Variants in SYNE2 observed in about 807,000 individuals in gnomAD.
SYNE2 encodes spectrin repeat containing nuclear envelope protein 2.
Under a neutral mutation model 856.3 loss-of-function variants are expected in SYNE2, and 431 were observed. The observed-to-expected ratio is 0.50, with a 90% CI of 0.47 to 0.55. SYNE2 has a LOEUF of 0.55. Ranked by LOEUF, SYNE2 falls within the 20% of genes least tolerant of loss-of-function variation. The pLI is 0.00. For synonymous variants in SYNE2, 2,923 were observed against 2,872.3 expected (o/e 1.02, Z -0.56); for missense variants, 8,129 against 8,023.2 (o/e 1.01, Z -0.50).
intron 2 of SYNE2, among the ~76,000 whole-genome samples, chr14:63,927,769 G>A (rs2095688966): frequency 6.6e-6 from 1 of 152,006 alleles, no homozygotes; most frequent in African/African-American, 2.4e-5. Flanking sequence ...TCGCGCGCCT[G>A]CAGTCCCAGC....
rs191617926 is a variant in SYNE2 at position 64,157,002 on chromosome 14, C to A, written c.15793-1623C>A. ...CTGAGTGCAGAGCTGTGTGATTGTA[C>A]CCAAAACTCACATCACACTACCCAT... On this transcript the variant is annotated intron_variant, in intron 85 of 115. Transcript: ENST00000555002. Among the ~76,000 whole-genome samples, 124 of 152,268 alleles carry A rather than the reference C, an allele frequency of 8.1e-4. 1 individual carries two copies. The highest frequency in any genetic ancestry group is 1.4e-3 in the Non-Finnish European group (93 of 68,012).
intron 111 of SYNE2, 100 bp from the exon 112 acceptor site, chr14:64,221,476 C>G: frequency 6.2e-7 from 1 of 1,610,232 alleles, no homozygotes; most frequent in Middle Eastern, 1.7e-4. Context: ...GCCAGAAAAG[C>G]AAATGACTGT....
chr14:63,832,652 G>A (rs1486836410), intron 1 of SYNE2, among the ~76,000 whole-genome samples: 4 of 151,932 alleles, frequency 2.6e-5, no homozygotes, highest in Non-Finnish European at 4.4e-5. Context: ...AGAAGAAATC[G>A]TCAGAAGAAA....
intron 1 of SYNE2, among the ~76,000 whole-genome samples, chr14:63,812,120 G>C (rs1000389284): frequency 6.6e-6 from 1 of 152,154 alleles, no homozygotes; most frequent in Admixed American, 6.6e-5. Context: ...TACTGCAGGA[G>C]ACCAGGGTGT....
intron 45 of SYNE2, among the ~76,000 whole-genome samples, chr14:64,035,025 A>G (rs1300112753): frequency 1.3e-5 from 2 of 151,286 alleles, no homozygotes; most frequent in African/African-American, 2.4e-5. Context: ...AGCAGCCTAC[A>G]TGACATAATT....
rs749834245 is a variant in SYNE2, at chr14:64,002,850, C to A, written c.3917C>A (p.Thr1306Lys). Residue 1306 changes from threonine (T) to lysine (K), a missense_variant, in exon 30 of 116, where the codon ACA becomes AAA. Thr to Lys is a moderately conservative substitution (Grantham distance 78). This residue lies in a region of SYNE2 where 2,422 missense variants were observed against 2,357.4 expected (regional missense o/e 1.03). Transcript: ENST00000555002. ...AMQNIILKYK[T>K]QFEGMNHRVQ... ...CAGAATATTATACTGAAATACAAAA[C>A]ACAATTTGAAGGAATGAACCACAGG... The A allele has an allele frequency of 7.7e-5, 125 of 1,614,000 alleles. No homozygotes were observed. Among genetic ancestry groups the A allele is most frequent in the Non-Finnish European group, 1.0e-4 (120 of 1,180,040 alleles).
chr14:63,890,963 G>GCAA, intron 1 of SYNE2, among the ~76,000 whole-genome samples: 1 of 152,160 alleles, frequency 6.6e-6, no homozygotes, highest in East Asian at 1.9e-4. Flanking sequence ...ATAGTGCCTG[G>GCAA]CAAGTCGTAA....
chr14:63,867,086 CAG>C (rs1329307878), intron 1 of SYNE2, among the ~76,000 whole-genome samples: 1 of 152,264 alleles, frequency 6.6e-6, no homozygotes, highest in East Asian at 1.9e-4. Context: ...TTTAAGGAAA[CAG>C]AGAGGTTAAA....
chr14:64,193,254 TTAAAAA>T (rs1164611489), intron 99 of SYNE2, among the ~76,000 whole-genome samples: 2 of 152,180 alleles, frequency 1.3e-5, no homozygotes. Context: ...GCAGCTCTTG[TTAAAAA>T]TAAGATCGGC....
At chr14:64,050,457 A>G (rs2097217331) in intron 47 of SYNE2, among the ~76,000 whole-genome samples, 1 of 152,252 alleles carries the variant, frequency 6.6e-6, no homozygotes, top group South Asian at 2.1e-4. Flanking sequence ...TTATGAAACA[A>G]TTCGCACTAT....
chr14:64,110,732 C>G (rs2097799905), intron 65 of SYNE2, among the ~76,000 whole-genome samples: 1 of 151,738 alleles, frequency 6.6e-6, no homozygotes, highest in Non-Finnish European at 1.5e-5. Context: ...ATTAAAAGAT[C>G]ACAGAGCTGT....
intron 57 of SYNE2, among the ~76,000 whole-genome samples, chr14:64,083,287 A>G (rs2097537444): frequency 6.6e-6 from 1 of 151,294 alleles, no homozygotes; most frequent in Non-Finnish European, 1.5e-5. Context: ...CACATCCCCA[A>G]AGTTTGTCAT....
chr14:63,957,782 T>C (rs558242705), intron 8 of SYNE2, among the ~76,000 whole-genome samples: 1 of 152,282 alleles, frequency 6.6e-6, no homozygotes, highest in East Asian at 1.9e-4. Context: ...GAGCTAGTGC[T>C]GATCAAGGTT....
chr14:63,940,728 C>G, intron 3 of SYNE2, 53 bp downstream of exon 3: 2 of 1,541,382 alleles, frequency 1.3e-6, no homozygotes, highest in Non-Finnish European at 1.8e-6. Context: ...ACTCCCCCTA[C>G]TCCTTCTGTT....
At position 63,991,049 on chromosome 14, in the gene SYNE2, T is replaced by C. The variant is rs767453971; in HGVS notation, c.2580T>C (p.Tyr860=). The C allele has an allele frequency of 1.2e-6, 2 of 1,614,000 alleles. No homozygotes were observed. The highest frequency in any genetic ancestry group is 1.1e-5 in the South Asian group (1 of 91,086). The stretch of plus-strand genomic sequence containing the variant: ...AATCCCAGAAGGAACTTGAATCATA[T>C]ATGATGAGGGCTCAGCAGTTACTGG... ...MEESQKELES[Y]MMRAQQLLGQ... Residue 860 remains tyrosine, a synonymous_variant, in exon 21 of 116, where the codon TAT becomes TAC. Transcript: ENST00000555002.
intron 1 of SYNE2, among the ~76,000 whole-genome samples, chr14:63,793,992 C>T (rs1887830688): frequency 1.3e-5 from 2 of 151,728 alleles, no homozygotes. Context: ...ATTGTCTGCA[C>T]ATGTCCTGCC....
chr14:64,132,468 A>G, intron 77 of SYNE2, 30 bp downstream of exon 77: 1 of 1,613,876 alleles, frequency 6.2e-7, no homozygotes, highest in Non-Finnish European at 8.5e-7. Flanking sequence ...GTTGTACTGA[A>G]GCTGGGAATT....
intron 45 of SYNE2, among the ~76,000 whole-genome samples, chr14:64,046,552 C>T (rs369720368): frequency 1.3e-5 from 2 of 152,094 alleles, no homozygotes; most frequent in Non-Finnish European, 2.9e-5. Flanking sequence ...GGGGTTTCAC[C>T]GTGTTACCCA....
At chr14:64,154,792 CA>C (rs34020154) in intron 85 of SYNE2, among the ~76,000 whole-genome samples, 37,799 of 91,224 alleles carry the variant, frequency 0.41, 4,013 homozygotes, top group East Asian at 0.47. Flanking sequence ...GACCCTGTCT[CA>C]AAAAAAAAAA....
Sources: allele counts gnomAD v4.1 joint callset (sites outside exome capture counted in the v4.1 genomes callset), GRCh38; gene constraint gnomAD v4.1.1; regional missense constraint gnomAD v4.1.1; transcripts MANE v1.5; gene names NCBI Gene and HGNC (gene_info 2026-07-23, HGNC 2026-07-21).